Variants in TSPEAR observed in about 807,000 individuals in gnomAD.
TSPEAR encodes the protein thrombospondin type laminin G domain and EAR repeats, also known as thrombospondin-type laminin G domain and EAR repeat-containing protein.
TSPEAR carries 69 observed loss-of-function variants against 71.6 expected under a neutral mutation model. The observed-to-expected ratio is 0.96, with a 90% CI of 0.79 to 1.18. TSPEAR has a LOEUF of 1.18. Ranked by LOEUF, TSPEAR falls within the 50% of genes most tolerant of loss-of-function variation. The probability of loss-of-function intolerance (pLI) is 0.00; values close to 1 mark genes in which losing one functional copy is unlikely to be tolerated. For synonymous variants in TSPEAR, 402 were observed against 387.2 expected (o/e 1.04, Z -0.45); for missense variants, 971 against 894.9 (o/e 1.09, Z -1.09).
chr21:44,527,432 G>A lies in TSPEAR; in HGVS notation c.1009C>T (p.Gln337Ter), dbSNP rs782816697. The change falls in exon 7 of 12, where the codon CAG becomes TAG. Residue 337 changes from glutamine (Q) to a stop codon, truncating the protein, a stop_gained. Transcript: ENST00000323084. LOFTEE classifies it high-confidence loss of function. The stretch of plus-strand genomic sequence containing the variant: ...GCTGTGGCCACAAAGAGCCCCACCT[G>A]AGGGATGCGGAACACCTCAATGCCC... ...TLGIEVFRIP[Q>*]VGLFVATANR... 2 of 1,614,252 alleles carry A rather than the reference G, an allele frequency of 1.2e-6. No individual in the cohort carries two copies. Among genetic ancestry groups the A allele is most frequent in the South Asian group, 2.2e-5 (2 of 91,092 alleles).
chr21:44,511,223 C>T (rs2052363915), intron 9 of TSPEAR, among the ~76,000 whole-genome samples: 1 of 149,140 alleles, frequency 6.7e-6, no homozygotes, highest in Non-Finnish European at 1.5e-5. Flanking sequence ...CACATGCCTG[C>T]ACACACCTGC....
intron 1 of TSPEAR, among the ~76,000 whole-genome samples, chr21:44,615,658 G>A (rs367771): frequency 0.9 from 137,273 of 151,710 alleles, 62,325 homozygotes; most frequent in Non-Finnish European, 0.94. Context: ...TGCCTCCTGG[G>A]AGTGAGGGCT....
intron 1 of TSPEAR, among the ~76,000 whole-genome samples, chr21:44,660,310 A>G (rs587767953): frequency 6.6e-6 from 1 of 152,360 alleles, no homozygotes; most frequent in Admixed American, 6.5e-5. Context: ...TATCCCCACC[A>G]CAAATGACTA....
At chr21:44,614,241 C>T (rs1162269444) in intron 1 of TSPEAR, among the ~76,000 whole-genome samples, 1 of 152,254 alleles carries the variant, frequency 6.6e-6, no homozygotes, top group African/African-American at 2.4e-5. Flanking sequence ...TCAAGCACAG[C>T]ACACGGTCTG....
chr21:44,693,095 T>C (rs1302126655), intron 1 of TSPEAR, among the ~76,000 whole-genome samples: 1 of 152,112 alleles, frequency 6.6e-6, no homozygotes, highest in Non-Finnish European at 1.5e-5. Context: ...AGTGTCAAGA[T>C]AATTCAATAA....
At chr21:44,682,053 C>A (rs1182881226) in intron 1 of TSPEAR, 2 of 1,613,944 alleles carry the variant, frequency 1.2e-6, no homozygotes, top group African/African-American at 2.7e-5. Context: ...GGGGATGTAA[C>A]AGGATGCCTG....
chr21:44,631,917 GGGA>G (rs1983279749), intron 1 of TSPEAR, among the ~76,000 whole-genome samples: 2 of 152,120 alleles, frequency 1.3e-5, no homozygotes, highest in African/African-American at 4.8e-5. Flanking sequence ...GGTGCCTGGG[GGGA>G]GGAGGAGGAA....
intron 9 of TSPEAR, chr21:44,516,600 C>T (rs587606682): frequency 2.6e-5 from 4 of 152,352 alleles, no homozygotes; most frequent in African/African-American, 9.6e-5. Context: ...CTGAGTGACA[C>T]ATCAGGATCA....
intron 1 of TSPEAR, among the ~76,000 whole-genome samples, chr21:44,633,461 TTC>T (rs1983367909): frequency 6.6e-6 from 1 of 152,270 alleles, no homozygotes; most frequent in African/African-American, 2.4e-5. Context: ...ATTTTCTAAC[TTC>T]TCTTTTGATT....
At chr21:44,677,823 A>T in intron 1 of TSPEAR, 1 of 1,294,540 alleles carries the variant, frequency 7.7e-7, no homozygotes, top group Non-Finnish European at 1.1e-6. Flanking sequence ...ACCAAGAACC[A>T]CCTCGAAGAG....
At chr21:44,537,485 A>G (rs1338161170) in intron 2 of TSPEAR, among the ~76,000 whole-genome samples, 2 of 152,254 alleles carry the variant, frequency 1.3e-5, no homozygotes, top group Non-Finnish European at 2.9e-5. Context: ...AACAAAATAC[A>G]AAATAGGGAT....
chr21:44,642,053 A>T lies in TSPEAR; in HGVS notation c.82+69380T>A, dbSNP rs1257819306. Reference sequence around the variant, plus strand: ...AATAAGCAGACATGAAAGATGGAAAAAGAAGTATGCTCACAGATTCAGAGA... The same window carrying T: ...AATAAGCAGACATGAAAGATGGAAATAGAAGTATGCTCACAGATTCAGAGA... On this transcript the variant is annotated intron_variant, in intron 1 of 11. Coordinates refer to ENST00000323084, the MANE Select transcript of TSPEAR (RefSeq NM_144991.3). The surrounding 1 kb of genome is among the most constrained non-coding windows in gnomAD (Gnocchi z 4.1). 6.6e-6 allele frequency among the ~76,000 whole-genome samples: 1 copy of T among 152,274 alleles called. No individual in the cohort carries two copies. The highest frequency in any genetic ancestry group is 1.5e-5 in the Non-Finnish European group (1 of 68,050).
At chr21:44,528,890 G>A (rs112850766) in intron 5 of TSPEAR, among the ~76,000 whole-genome samples, 5 of 152,242 alleles carry the variant, frequency 3.3e-5, no homozygotes, top group Admixed American at 1.3e-4. Context: ...AGTCCTCAGC[G>A]ATTGCACAGG....
At chr21:44,501,538 A>G (rs587674453) in intron 11 of TSPEAR, among the ~76,000 whole-genome samples, 1 of 152,340 alleles carries the variant, frequency 6.6e-6, no homozygotes, top group South Asian at 2.1e-4. Flanking sequence ...CGGAGCTTGC[A>G]GTGTGCCGAG....
intron 1 of TSPEAR, chr21:44,601,947 C>T (rs1980963226): frequency 1.4e-6 from 1 of 730,524 alleles, no homozygotes; most frequent in Non-Finnish European, 2.2e-6. Context: ...CCTGCTTCCC[C>T]AGCAACAGGT....
At chr21:44,539,598 C>G (rs782319981) in intron 2 of TSPEAR, 2 of 1,611,602 alleles carry the variant, frequency 1.2e-6, no homozygotes, top group South Asian at 2.2e-5. Flanking sequence ...CGGACGGGCA[C>G]GCAGCAGGCC....
At chr21:44,524,908 C>T (rs2052818234) in intron 8 of TSPEAR, among the ~76,000 whole-genome samples, 1 of 151,306 alleles carries the variant, frequency 6.6e-6, no homozygotes, top group South Asian at 2.1e-4. Context: ...GTCAGTCAGT[C>T]AGATAGTCAG....
chr21:44,700,906 A>T (rs1987617456), intron 1 of TSPEAR, among the ~76,000 whole-genome samples: 1 of 152,204 alleles, frequency 6.6e-6, no homozygotes, highest in Non-Finnish European at 1.5e-5. Context: ...AGGAAACCGC[A>T]GCCCATAGGG....
intron 1 of TSPEAR, chr21:44,591,188 C>T (rs1370240913): frequency 2.6e-5 from 29 of 1,107,448 alleles, no homozygotes; most frequent in East Asian, 7.8e-5. Flanking sequence ...GTTAGTTCTG[C>T]AGAACTTGGG....
Sources: gnomAD v4.1 joint callset for allele counts (sites outside exome capture counted in the v4.1 genomes callset) on GRCh38, gnomAD v4.1.1 for gene constraint, Gnocchi (gnomAD v3.1) non-coding constraint, MANE v1.5 for transcripts, NCBI Gene and HGNC (gene_info 2026-07-23, HGNC 2026-07-21) for gene names.